The following C11orf65 variants were observed in gnomAD, a reference collection of about 807,000 sequenced individuals.
C11orf65 encodes the protein chromosome 11 open reading frame 65, also known as protein MFI.
C11orf65 carries 38 observed loss-of-function variants against 35.3 expected under a neutral mutation model. The ratio of observed to expected loss-of-function variants is 1.08; its 90% CI spans 0.83 to 1.41. C11orf65 has a LOEUF of 1.41. Ranked by LOEUF, C11orf65 falls within the 40% of genes most tolerant of loss-of-function variation. The pLI is 0.00. For synonymous variants in C11orf65, 105 were observed against 114.4 expected (o/e 0.92, Z 0.53); for missense variants, 370 against 367.1 (o/e 1.01, Z -0.06).
chr11:108,343,216 C>T lies in C11orf65; in HGVS notation c.227-7924G>A, dbSNP rs1284643640. On this transcript the variant is annotated intron_variant, in intron 2 of 3. Coordinates refer to the C11orf65 transcript ENST00000524755. ...AAATTAAAAGGTATTTAATCTGTAACTCCAGGTGGTTCCCCTCTCTCAGCG... is the reference window on the plus strand; with the variant it reads ...AAATTAAAAGGTATTTAATCTGTAATTCCAGGTGGTTCCCCTCTCTCAGCG... 6.2e-7 allele frequency: 1 copy of T among 1,613,770 alleles called. No individual in the cohort carries two copies. The highest frequency in any genetic ancestry group is 8.5e-7 in the Non-Finnish European group (1 of 1,179,782).
At position 108,334,994 on chromosome 11, in the gene C11orf65, A is replaced by G; in HGVS notation, c.299+226T>C. Reference sequence around the variant, plus strand: ...GTGGACCACACAGGAGAATATGGAAATCTGGTGACTATACAGTCATTTAAA... The same window carrying G: ...GTGGACCACACAGGAGAATATGGAAGTCTGGTGACTATACAGTCATTTAAA... On this transcript the variant is annotated intron_variant, in intron 3 of 3. Transcript: ENST00000524755. 6.2e-7 allele frequency: 1 copy of G among 1,613,550 alleles called. No individual in the cohort carries two copies. Among genetic ancestry groups the G allele is most frequent in the South Asian group, 1.1e-5 (1 of 91,068 alleles).
intron 2 of C11orf65, among the ~76,000 whole-genome samples, chr11:108,361,339 G>A (rs1275012678): frequency 1.3e-5 from 2 of 148,972 alleles, no homozygotes; most frequent in Non-Finnish European, 3.0e-5. Context: ...TCATGGGTAG[G>A]AAGAATCAAT....
rs2136526363 is a variant in C11orf65 at position 108,332,000 on chromosome 11, C to T, written c.300-433G>A. 6.2e-7 allele frequency: 1 copy of T among 1,613,934 alleles called. No individual in the cohort carries two copies. Among genetic ancestry groups the T allele is most frequent in the East Asian group, 2.2e-5 (1 of 44,840 alleles). On this transcript the variant is annotated intron_variant, in intron 3 of 3. Transcript: ENST00000524755. The stretch of plus-strand genomic sequence containing the variant: ...GAGGTAGCCAGAAGAAGCAGAATAA[C>T]TAAAAATGTGCCTAAACAAAGCTCT...
chr11:108,383,768 T>G (rs1322846196), intron 8 of C11orf65, among the ~76,000 whole-genome samples: 1 of 152,196 alleles, frequency 6.6e-6, no homozygotes, highest in Non-Finnish European at 1.5e-5. Context: ...TCTCCACTAC[T>G]TAAAATAATT....
intron 6 of C11orf65, among the ~76,000 whole-genome samples, chr11:108,402,408 G>T (rs578100015): frequency 4.6e-5 from 7 of 152,242 alleles, no homozygotes; most frequent in Admixed American, 4.6e-4. Context: ...AGACCTGGCA[G>T]AGTTAAGCAT....
intron 2 of C11orf65, chr11:108,368,820 C>T (rs1212009810): frequency 4.9e-6 from 1 of 204,506 alleles, no homozygotes; most frequent in Non-Finnish European, 1.0e-5. Context: ...TAGTATATGC[C>T]TAAAATGTAT....
At chr11:108,363,137 A>C (rs1188254766) in intron 2 of C11orf65, among the ~76,000 whole-genome samples, 3 of 152,164 alleles carry the variant, frequency 2.0e-5, no homozygotes, top group Non-Finnish European at 4.4e-5. Flanking sequence ...TACCACAGTA[A>C]GACCCTTTCT....
chr11:108,348,426 TATATA>T (rs968038326), intron 2 of C11orf65, among the ~76,000 whole-genome samples: 3 of 147,372 alleles, frequency 2.0e-5, no homozygotes, highest in African/African-American at 7.5e-5. Flanking sequence ...GACAGTTTAA[TATATA>T]AGAAAGAAAG....
At chr11:108,341,947 C>T (rs1018296101) in intron 2 of C11orf65, among the ~76,000 whole-genome samples, 4 of 152,180 alleles carry the variant, frequency 2.6e-5, no homozygotes, top group Admixed American at 6.5e-5. Context: ...GTATCTCTGG[C>T]TCAGCTGTTA....
chr11:108,365,809 CGAGACCAGCCTGGCCAA>C (rs751145106), intron 2 of C11orf65: 107 of 374,052 alleles, frequency 2.9e-4, no homozygotes, highest in South Asian at 4.1e-4. Flanking sequence ...GTCAGGAGTT[CGAGACCAGCCTGGCCAA>C]GAGACCAGCC....
intron 2 of C11orf65, among the ~76,000 whole-genome samples, chr11:108,351,656 A>G (rs573799685): frequency 2.6e-5 from 4 of 152,232 alleles, no homozygotes; most frequent in African/African-American, 9.6e-5. Context: ...TCCTGGACCT[A>G]CTCAGCATCT....
At chr11:108,313,397 A>G (rs1176846797) in intron 6 of C11orf65, among the ~76,000 whole-genome samples, 1 of 152,022 alleles carries the variant, frequency 6.6e-6, no homozygotes, top group East Asian at 1.9e-4. Context: ...AGTTGTCCAT[A>G]TTTGCTGTCT....
chr11:108,337,300 A>G (rs890338407), intron 2 of C11orf65, among the ~76,000 whole-genome samples: 5 of 152,236 alleles, frequency 3.3e-5, no homozygotes, highest in African/African-American at 1.2e-4. Flanking sequence ...AACCTTCTGC[A>G]ATAATAACTA....
Position 108,335,849 on chromosome 11 carries a change from G to T in C11orf65, c.227-557C>A, listed in dbSNP as rs55982963. ...TCATGCTTAATTATTCTGAAGGGCC[G>T]TGATGACCTGAGACAAGATGCTGTC... is the stretch of plus-strand genomic sequence containing the variant. On this transcript the variant is annotated intron_variant, in intron 2 of 3. Transcript: ENST00000524755. 1 of 1,612,384 alleles carries T rather than the reference G, an allele frequency of 6.2e-7. No individual in the cohort carries two copies. Among genetic ancestry groups the T allele is most frequent in the African/African-American group, 1.3e-5 (1 of 74,836 alleles).
chr11:108,447,191 T>G (rs2135583843), intron 2 of C11orf65, among the ~76,000 whole-genome samples: 1 of 152,170 alleles, frequency 6.6e-6, no homozygotes, highest in Non-Finnish European at 1.5e-5. Context: ...ATGGGAGACT[T>G]TAACACCCCA....
Position 108,345,646 on chromosome 11 carries a change from T to C in C11orf65, c.227-10354A>G. 3 of 1,003,734 alleles carry C rather than the reference T, an allele frequency of 3.0e-6. No homozygotes were observed. The South Asian group carries it at 5.5e-5, about 18-fold the overall frequency. The allele number at this position is 1,003,734 out of a possible 1,614,324, so 62.2% of individuals were successfully genotyped here. A position where few individuals can be genotyped will look rare whatever the true frequency, so the allele number is the denominator to read the frequency against. ...AGGTAATGTATCCTGTTCATCTTTATTGCCCCTATATCTGTCATATTTTTA... is the reference window on the plus strand; with the variant it reads ...AGGTAATGTATCCTGTTCATCTTTACTGCCCCTATATCTGTCATATTTTTA... On this transcript the variant is annotated intron_variant, in intron 2 of 3. Coordinates refer to the C11orf65 transcript ENST00000524755.
At chr11:108,388,016 T>C (rs1014637631) in intron 7 of C11orf65, among the ~76,000 whole-genome samples, 6 of 152,200 alleles carry the variant, frequency 3.9e-5, no homozygotes, top group African/African-American at 1.4e-4. Flanking sequence ...CAGTAGGCAA[T>C]TCAGTTTGGT....
At chr11:108,322,032 A>G (rs1378290642) in intron 6 of C11orf65, among the ~76,000 whole-genome samples, 1 of 152,218 alleles carries the variant, frequency 6.6e-6, no homozygotes, top group Non-Finnish European at 1.5e-5. Flanking sequence ...ATTCAGTTTT[A>G]GCACTACATT....
At chr11:108,326,459 G>A (rs912847171), downstream of C11orf65, among the ~76,000 whole-genome samples, 2 of 151,938 alleles carry the variant, frequency 1.3e-5, no homozygotes, top group Non-Finnish European at 2.9e-5. Flanking sequence ...ATATATCCCA[G>A]TATTAAGCCT....
Sources: gnomAD v4.1 joint callset for allele counts (sites outside exome capture counted in the v4.1 genomes callset) on GRCh38, gnomAD v4.1.1 for gene constraint, MANE v1.5 for transcripts, NCBI Gene and HGNC (gene_info 2026-07-23, HGNC 2026-07-21) for gene names.